LINGO2: variants seen among roughly 807,000 people sequenced by gnomAD.
The protein encoded by LINGO2 is leucine rich repeat and Ig domain containing 2.
LINGO2 carries 14 observed loss-of-function variants against 30.6 expected under a neutral mutation model. The ratio of observed to expected loss-of-function variants is 0.46; its 90% confidence interval spans 0.30 to 0.72. The LOEUF (loss-of-function observed/expected upper bound fraction) is 0.72. Ranked by LOEUF, LINGO2 falls within the 30% of genes least tolerant of loss-of-function variation. The probability of loss-of-function intolerance (pLI) is 0.07; values close to 1 mark genes in which losing one functional copy is unlikely to be tolerated. For missense variants in LINGO2, 729 were observed against 751.7 expected (o/e 0.97, Z 0.35); for synonymous variants, 317 against 288.5 (o/e 1.10, Z -1.00).
chr9:29,184,465 G>A, the LINGO2 span, among the ~76,000 whole-genome samples: 1 of 152,038 alleles, frequency 6.6e-6, no homozygotes, highest in Non-Finnish European at 1.5e-5. Context: ...GAAGTAGAGG[G>A]GAGGATGCTT....
chr9:28,201,054 A>T (rs1173506968), intron 4 of LINGO2, among the ~76,000 whole-genome samples: 2 of 148,664 alleles, frequency 1.3e-5, no homozygotes, highest in African/African-American at 5.0e-5. Context: ...TCTCCTTGAG[A>T]CTTGATTTCT....
chr9:28,950,529 T>G, the LINGO2 span, among the ~76,000 whole-genome samples: 1 of 151,966 alleles, frequency 6.6e-6, no homozygotes, highest in Non-Finnish European at 1.5e-5. Context: ...CTTAAGCTGA[T>G]AAGCAATTTC....
At chr9:27,965,588 G>A (rs1358465341) in intron 5 of LINGO2, among the ~76,000 whole-genome samples, 4 of 152,002 alleles carry the variant, frequency 2.6e-5, no homozygotes, top group African/African-American at 9.7e-5. Flanking sequence ...CTTGTCCTAA[G>A]TCATTAATTG....
chr9:28,920,493 G>A, the LINGO2 span, among the ~76,000 whole-genome samples: 3 of 151,964 alleles, frequency 2.0e-5, no homozygotes, highest in African/African-American at 7.3e-5. Context: ...TTATAAATTG[G>A]TTAATACAAA....
intron 4 of LINGO2, among the ~76,000 whole-genome samples, chr9:28,031,435 T>C (rs951866866): frequency 6.6e-6 from 1 of 152,022 alleles, no homozygotes; most frequent in Non-Finnish European, 1.5e-5. Context: ...TTGACTTATG[T>C]TTACATTGTG....
chr9:28,424,521 C>T (rs911075786), intron 2 of LINGO2, among the ~76,000 whole-genome samples: 1 of 152,108 alleles, frequency 6.6e-6, no homozygotes, highest in Non-Finnish European at 1.5e-5. Flanking sequence ...TAGCAGAACC[C>T]AGCCATGTTT....
At chr9:28,284,598 T>C (rs1377324651) in intron 4 of LINGO2, among the ~76,000 whole-genome samples, 3 of 152,164 alleles carry the variant, frequency 2.0e-5, no homozygotes, top group Admixed American at 1.3e-4. Context: ...TAAAAAAAGG[T>C]TAAAGGCATA....
the LINGO2 span, among the ~76,000 whole-genome samples, chr9:28,732,686 G>A: frequency 2.0e-5 from 3 of 152,148 alleles, no homozygotes; most frequent in Non-Finnish European, 4.4e-5. Flanking sequence ...AGGAGACATA[G>A]CTGGATACAG....
chr9:28,203,016 T>C (rs1820291054), intron 4 of LINGO2, among the ~76,000 whole-genome samples: 1 of 152,222 alleles, frequency 6.6e-6, no homozygotes, highest in Non-Finnish European at 1.5e-5. Flanking sequence ...ACTTAGAACC[T>C]AATGGGTACA....
chr9:28,514,607 C>T lies in LINGO2; in HGVS notation c.-364-38582G>A, dbSNP rs149906717. Among the ~76,000 whole-genome samples the T allele has an allele frequency of 5.6e-4, 85 of 152,184 alleles. No homozygotes were observed. In the East Asian group the frequency reaches 0.013, roughly 23 times the overall value. On this transcript the variant is annotated intron_variant, in intron 1 of 5. Transcript: ENST00000379992. ...CTTCTATTATATCAAGGATGAAAGA[C>T]GTGAAGAAGCTGCATAAGAAAAATT...
chr9:28,105,975 G>T (rs1287378383), intron 4 of LINGO2, among the ~76,000 whole-genome samples: 1 of 152,024 alleles, frequency 6.6e-6, no homozygotes, highest in Non-Finnish European at 1.5e-5. Flanking sequence ...AGGAAGTGAG[G>T]GCTGGCTAGC....
In LINGO2 at chr9:28,397,372, T is replaced by TATATAC. The variant is rs1554716182; in HGVS notation, c.-278-24505_-278-24504insGTATAT. Among the ~76,000 whole-genome samples, 635 of 128,762 alleles carry TATATAC rather than the reference T, an allele frequency of 4.9e-3. 6 individuals carry two copies. The highest frequency in any genetic ancestry group is 0.016 in the African/African-American group (612 of 37,236). 84.5% of individuals were successfully genotyped at this position (128,762 alleles called of 152,430 possible). ...GTTTTGAAGTATATATATATATATATACATATATATATATACACACATTAT... is the reference window on the plus strand; with the variant it reads ...GTTTTGAAGTATATATATATATATATATATACACATATATATATATACACACATTAT... On this transcript the variant is annotated intron_variant, in intron 2 of 5. Coordinates refer to ENST00000379992, the Ensembl canonical transcript of LINGO2.
At position 28,616,612 on chromosome 9, in the gene LINGO2, T is replaced by A. The variant is rs150972018; in HGVS notation, c.-365+53588A>T. On this transcript the variant is annotated intron_variant, in intron 1 of 5. Coordinates refer to ENST00000379992, the Ensembl canonical transcript of LINGO2. ...CTTGCTCATAAACATCCTTTGCACATATAGAAATGTATTTCCCTGCCCTGA... is the reference window on the plus strand; with the variant it reads ...CTTGCTCATAAACATCCTTTGCACAAATAGAAATGTATTTCCCTGCCCTGA... Among the ~76,000 whole-genome samples, 58 of 152,310 alleles carry A rather than the reference T, an allele frequency of 3.8e-4. 1 individual carries two copies. Among genetic ancestry groups the A allele is most frequent in the African/African-American group, 1.4e-3 (58 of 41,564 alleles).
chr9:28,708,744 T>C, the LINGO2 span, among the ~76,000 whole-genome samples: 41 of 143,326 alleles, frequency 2.9e-4, 1 homozygote, highest in African/African-American at 1.0e-3. Flanking sequence ...AGAAGCCTGC[T>C]GTCTGTTTTA....
chr9:29,058,695 G>T, the LINGO2 span, among the ~76,000 whole-genome samples: 1 of 151,516 alleles, frequency 6.6e-6, no homozygotes, highest in South Asian at 2.1e-4. Context: ...AAACTAAAAA[G>T]AAAATTTTAG....
chr9:27,950,359 A>C (rs1166449533), exon 6 of LINGO2: 10 of 1,614,076 alleles, frequency 6.2e-6, no homozygotes, highest in Non-Finnish European at 7.6e-6. Context: ...CGCAGGTTAA[A>C]GAGATTGTTG....
At chr9:28,298,876 T>A (rs1346474998) in intron 3 of LINGO2, among the ~76,000 whole-genome samples, 1 of 152,190 alleles carries the variant, frequency 6.6e-6, no homozygotes, top group African/African-American at 2.4e-5. Context: ...CAAAATAACA[T>A]TTGGAAAACA....
downstream of LINGO2, among the ~76,000 whole-genome samples, chr9:27,945,330 A>G (rs747327649): frequency 7.2e-5 from 11 of 152,192 alleles, no homozygotes; most frequent in Admixed American, 1.3e-4. Context: ...ATCATTTTTT[A>G]AAGAGTCACA....
At chr9:28,303,425 CA>C (rs1042407959) in intron 3 of LINGO2, among the ~76,000 whole-genome samples, 1 of 151,938 alleles carries the variant, frequency 6.6e-6, no homozygotes, top group Non-Finnish European at 1.5e-5. Flanking sequence ...GGGAGTGACA[CA>C]AAGGTTTTTT....
Sources: gnomAD v4.1 joint callset for allele counts (sites outside exome capture counted in the v4.1 genomes callset) on GRCh38, gnomAD v4.1.1 for gene constraint, MANE v1.5 for transcripts, NCBI Gene and HGNC (gene_info 2026-07-23, HGNC 2026-07-21) for gene names.